The following IGF1R variants were observed in gnomAD, a reference collection of about 807,000 sequenced individuals.
The protein encoded by IGF1R is insulin-like growth factor 1 receptor.
IGF1R carries 44 observed loss-of-function variants against 144.6 expected under a neutral mutation model. That is an observed-to-expected ratio of 0.30 (90% CI 0.24 to 0.39). IGF1R has a LOEUF of 0.39. Among genes scored for constraint, IGF1R ranks in the 10% least tolerant of loss-of-function variants. IGF1R has a pLI of 1.00. For missense variants in IGF1R, 1,355 were observed against 1,833.7 expected, an observed-to-expected ratio of 0.74 and a Z score of 4.77; for synonymous variants, 795 against 722.8, an observed-to-expected ratio of 1.10 and a Z score of -1.60.
At chr15:98,956,248 G>T (rs45553837) in intron 20 of IGF1R, among the ~76,000 whole-genome samples, 37 of 152,226 alleles carry the variant, frequency 2.4e-4, no homozygotes, top group Non-Finnish European at 1.5e-5. Flanking sequence ...AGGTGCTGTC[G>T]GAGCCCAGCC....
intron 2 of IGF1R, among the ~76,000 whole-genome samples, chr15:98,750,444 G>A (rs1458730850): frequency 1.3e-5 from 2 of 152,226 alleles, no homozygotes; most frequent in East Asian, 3.9e-4. Flanking sequence ...ATTTGTCCAA[G>A]AGCAGAGTTG....
At chr15:98,731,931 G>A (rs1358727781) in intron 2 of IGF1R, among the ~76,000 whole-genome samples, 1 of 152,222 alleles carries the variant, frequency 6.6e-6, no homozygotes, top group Non-Finnish European at 1.5e-5. Context: ...GGCCAAGTGT[G>A]TAGCTTGAGA....
At chr15:98,703,010 G>C (rs2053774471) in intron 1 of IGF1R, among the ~76,000 whole-genome samples, 1 of 152,062 alleles carries the variant, frequency 6.6e-6, no homozygotes, top group Non-Finnish European at 1.5e-5. Flanking sequence ...GCCCCTGCCT[G>C]CCCCTCCCAA....
chr15:98,820,988 G>T (rs949838666), intron 2 of IGF1R: 2 of 152,140 alleles, frequency 1.3e-5, no homozygotes, highest in Non-Finnish European at 2.9e-5. Flanking sequence ...TCTTTTTGGT[G>T]TACAACAGCT....
At chr15:98,865,630 T>A (rs2012395636) in intron 2 of IGF1R, among the ~76,000 whole-genome samples, 1 of 152,232 alleles carries the variant, frequency 6.6e-6, no homozygotes, top group Non-Finnish European at 1.5e-5. Flanking sequence ...TTTTTCTCTT[T>A]TAATTCTTTA....
chr15:98,806,104 T>C (rs1382350298), intron 2 of IGF1R, among the ~76,000 whole-genome samples: 1 of 152,204 alleles, frequency 6.6e-6, no homozygotes, highest in Non-Finnish European at 1.5e-5. Flanking sequence ...ACTTGATAAC[T>C]TCTGTAGATG....
chr15:98,671,781 GAAAA>G (rs1315780914), intron 1 of IGF1R, among the ~76,000 whole-genome samples: 1 of 152,122 alleles, frequency 6.6e-6, no homozygotes, highest in East Asian at 1.9e-4. Flanking sequence ...GCCATTGAAA[GAAAA>G]AATAAATAGC....
chr15:98,958,999 T>C lies in IGF1R; in HGVS notation c.*1557T>C, dbSNP rs1357896119. 1 of 233,132 alleles carries C rather than the reference T, an allele frequency of 4.3e-6. No homozygotes were observed. The highest frequency in any genetic ancestry group is 6.0e-5 in the East Asian group (1 of 16,592). 14.4% of individuals were successfully genotyped at this position (233,132 alleles called of 1,614,324 possible). On this transcript the variant is annotated 3_prime_UTR_variant, in exon 21 of 21. Transcript: ENST00000650285. ...AGGCAGAAAGCAGGCCGGGCACCCA[T>C]CCTGAGAGGGCCGCGCTCCTCTCCC...
At chr15:98,723,202 A>C (rs752049770) in intron 2 of IGF1R, among the ~76,000 whole-genome samples, 11 of 152,122 alleles carry the variant, frequency 7.2e-5, no homozygotes, top group Admixed American at 5.2e-4. Context: ...TTAAATCAGA[A>C]ACGTGAGGGT....
intron 19 of IGF1R, among the ~76,000 whole-genome samples, chr15:98,947,983 G>C (rs550767771): frequency 6.6e-6 from 1 of 152,252 alleles, no homozygotes; most frequent in African/African-American, 2.4e-5. Flanking sequence ...AATCAAATCA[G>C]AGTTTCTATT....
At chr15:98,875,125 C>T (rs992814045) in intron 2 of IGF1R, among the ~76,000 whole-genome samples, 5 of 152,026 alleles carry the variant, frequency 3.3e-5, no homozygotes, top group Admixed American at 6.5e-5. Context: ...TCCTCGGCTC[C>T]GGGACGAGGA....
chr15:98,909,224 C>G (rs74534257), intron 6 of IGF1R, among the ~76,000 whole-genome samples: 4,072 of 145,718 alleles, frequency 0.028, 192 homozygotes, highest in African/African-American at 0.095. Flanking sequence ...TTAGATATTT[C>G]TCTTTCTTTT....
intron 2 of IGF1R, among the ~76,000 whole-genome samples, chr15:98,878,970 T>C (rs2013225918): frequency 1.3e-5 from 2 of 151,460 alleles, no homozygotes; most frequent in Non-Finnish European, 2.9e-5. Context: ...CACTCTAGCC[T>C]GGGCGCCAGA....
intron 2 of IGF1R, among the ~76,000 whole-genome samples, chr15:98,864,481 C>T (rs1312899038): frequency 6.6e-6 from 1 of 152,208 alleles, no homozygotes; most frequent in African/African-American, 2.4e-5. Flanking sequence ...CTCAACCTCC[C>T]AGGTTTAAGT....
At chr15:98,781,114 C>T (rs2055852061) in intron 2 of IGF1R, among the ~76,000 whole-genome samples, 1 of 152,054 alleles carries the variant, frequency 6.6e-6, no homozygotes, top group African/African-American at 2.4e-5. Context: ...AGAGCGAGAC[C>T]CTGTTTCAAA....
At chr15:98,694,786 A>G (rs994958803) in intron 1 of IGF1R, among the ~76,000 whole-genome samples, 6 of 152,232 alleles carry the variant, frequency 3.9e-5, no homozygotes, top group African/African-American at 1.4e-4. Flanking sequence ...GCGCATCAGC[A>G]CTGAATAAAG....
chr15:98,708,238 A>T, intron 2 of IGF1R, 131 bp downstream of exon 2: 1 of 814,322 alleles, frequency 1.2e-6, no homozygotes, highest in Non-Finnish European at 2.1e-6. Flanking sequence ...AGGACGTGGC[A>T]TGCCTGCTGT....
chr15:98,674,664 TATAATA>T (rs1410964485), intron 1 of IGF1R, among the ~76,000 whole-genome samples: 1 of 152,206 alleles, frequency 6.6e-6, no homozygotes, highest in African/African-American at 2.4e-5. Context: ...TTTTTCAAAT[TATAATA>T]GTAATAGATG....
chr15:98,685,001 G>A (rs2053290049), intron 1 of IGF1R, among the ~76,000 whole-genome samples: 1 of 149,566 alleles, frequency 6.7e-6, no homozygotes, highest in African/African-American at 2.5e-5. Flanking sequence ...GGAATGCAGT[G>A]GCATGGTCAT....
Sources: allele counts gnomAD v4.1 joint callset (sites outside exome capture counted in the v4.1 genomes callset), GRCh38; gene constraint gnomAD v4.1.1; transcripts MANE v1.5; gene names NCBI Gene and HGNC (gene_info 2026-07-23, HGNC 2026-07-21).